NAA25: variants seen among roughly 807,000 people sequenced by gnomAD.
NAA25 encodes N-alpha-acetyltransferase 25, NatB auxiliary subunit, also known as N-terminal acetyltransferase B complex subunit NAA25.
In NAA25, 30 loss-of-function variants were observed where a neutral mutation model predicts 132.5. The observed-to-expected ratio is 0.23, with a 90% confidence interval of 0.17 to 0.31. The LOEUF (loss-of-function observed/expected upper bound fraction) is 0.31. Among genes scored for constraint, NAA25 ranks in the 10% least tolerant of loss-of-function variants. NAA25 has a pLI of 1.00. For missense variants in NAA25, 771 were observed against 1,150.4 expected (o/e 0.67, Z 4.77); for synonymous variants, 359 against 401.9 (o/e 0.89, Z 1.28).
intron 11 of NAA25, among the ~76,000 whole-genome samples, chr12:112,065,286 C>T (rs2078699486): frequency 6.6e-6 from 1 of 152,136 alleles, no homozygotes; most frequent in African/African-American, 2.4e-5. Flanking sequence ...CACTTGAGGC[C>T]AGGAGTTCAA....
At chr12:112,041,379 G>A (rs1207400546) in intron 20 of NAA25, among the ~76,000 whole-genome samples, 1 of 151,798 alleles carries the variant, frequency 6.6e-6, no homozygotes, top group Non-Finnish European at 1.5e-5. Flanking sequence ...TAGTAGAGAC[G>A]GGGTTTCACC....
At position 112,028,331 on chromosome 12, in the gene NAA25, T is replaced by G. The variant is rs1279292583; in HGVS notation, c.*1200A>C. The G allele has an allele frequency of 6.6e-6, 1 of 152,552 alleles. No individual in the cohort carries two copies. Among genetic ancestry groups the G allele is most frequent in the East Asian group, 1.9e-4 (1 of 5,196 alleles). The allele number at this position is 152,552 out of a possible 1,614,324, so 9.4% of individuals were successfully genotyped here. A position where few individuals can be genotyped will look rare whatever the true frequency, so the allele number is the denominator to read the frequency against. On this transcript the variant is annotated 3_prime_UTR_variant, in exon 24 of 24. Transcript: ENST00000261745. ...AACAGAAAAATATTATCAAAGAAACTGCATAAATTGTAGGACATTTTCAAG... is the reference window on the plus strand; with the variant it reads ...AACAGAAAAATATTATCAAAGAAACGGCATAAATTGTAGGACATTTTCAAG...
At chr12:112,074,540 T>C (rs377177479) in intron 9 of NAA25, 135 bp downstream of exon 9, 3 of 499,530 alleles carry the variant, frequency 6.0e-6, no homozygotes, top group South Asian at 9.6e-5. Flanking sequence ...CTTTAAAAAA[T>C]ATGAAAAAAT....
At chr12:112,083,811 G>A (rs2079006228) in intron 4 of NAA25, among the ~76,000 whole-genome samples, 1 of 152,126 alleles carries the variant, frequency 6.6e-6, no homozygotes, top group African/African-American at 2.4e-5. Flanking sequence ...AAGGCAGGAG[G>A]ACTGCTTGAG....
chr12:112,084,970 G>A (rs541678513), intron 4 of NAA25, among the ~76,000 whole-genome samples: 10 of 151,984 alleles, frequency 6.6e-5, no homozygotes, highest in Admixed American at 3.3e-4. Context: ...AGTGGCTCAC[G>A]CCTGTAATCC....
intron 4 of NAA25, among the ~76,000 whole-genome samples, chr12:112,086,921 T>C (rs964554241): frequency 2.5e-5 from 3 of 119,328 alleles, no homozygotes; most frequent in Admixed American, 9.5e-5. Flanking sequence ...TGAGGCAGAA[T>C]AGCTTGAACC....
intron 6 of NAA25, 41 bp from the exon 7 acceptor site, chr12:112,078,307 T>C (rs1050939253): frequency 7.2e-7 from 1 of 1,397,800 alleles, no homozygotes; most frequent in Non-Finnish European, 9.9e-7. Flanking sequence ...CTGAAACTTT[T>C]CAATAATAAA....
chr12:112,084,736 T>C (rs887678860), intron 4 of NAA25, among the ~76,000 whole-genome samples: 2 of 151,826 alleles, frequency 1.3e-5, no homozygotes, highest in African/African-American at 2.4e-5. Context: ...GAGGTTGCAG[T>C]GAGCCAAGAT....
intron 11 of NAA25, among the ~76,000 whole-genome samples, chr12:112,067,729 T>C (rs2136875862): frequency 1.3e-5 from 2 of 152,250 alleles, no homozygotes; most frequent in Admixed American, 1.3e-4. Flanking sequence ...AATCATACTA[T>C]GTGTAACTTC....
intron 12 of NAA25, among the ~76,000 whole-genome samples, chr12:112,060,947 T>C (rs1313387847): frequency 6.6e-6 from 1 of 152,150 alleles, no homozygotes; most frequent in Non-Finnish European, 1.5e-5. Flanking sequence ...CCCAATCTAA[T>C]AAAAAGTTAG....
rs984228230 is a variant in NAA25 at position 112,094,241 on chromosome 12, A to G, written c.59-1105T>C. On this transcript the variant is annotated intron_variant, in intron 1 of 23. Transcript: ENST00000261745. ...AGGCGACAGAGGGAGACTCTGTCTC[A>G]AAAAAAAAAAAAAAAAAAAAAGAAT... Among the ~76,000 whole-genome samples, 164 of 84,956 alleles carry G rather than the reference A, an allele frequency of 1.9e-3. 1 individual carries two copies. Among genetic ancestry groups the G allele is most frequent in the African/African-American group, 0.012 (159 of 12,896 alleles). 55.7% of individuals were successfully genotyped at this position (84,956 alleles called of 152,430 possible).
Position 112,049,558 on chromosome 12 carries a change from AT to A in NAA25, c.1729-1116del. 1 of 985,864 alleles carries A rather than the reference AT, an allele frequency of 1.0e-6. No homozygotes were observed. Among genetic ancestry groups the A allele is most frequent in the Non-Finnish European group, 1.2e-6 (1 of 829,958 alleles). The allele number at this position is 985,864 out of a possible 1,614,324, so 61.1% of individuals were successfully genotyped here. A position where few individuals can be genotyped will look rare whatever the true frequency, so the allele number is the denominator to read the frequency against. On this transcript the variant is annotated intron_variant, in intron 15 of 23. Coordinates refer to ENST00000261745, the MANE Select transcript of NAA25 (RefSeq NM_024953.4). This position sits in a 1 kb window ranked among gnomAD's most constrained non-coding sequence, Gnocchi z 4.7. ...ACGGGCGCTAATTCAACTGCATTCGATGCGGCTTTTAAACCCCCATGGGACA... is the reference window on the plus strand; with the variant it reads ...ACGGGCGCTAATTCAACTGCATTCGAGCGGCTTTTAAACCCCCATGGGACA...
At position 112,069,568 on chromosome 12, in the gene NAA25, C is replaced by T. The variant is rs563916909; in HGVS notation, c.1037-576G>A. 2.6e-5 allele frequency among the ~76,000 whole-genome samples: 4 copies of T among 151,884 alleles called. No homozygotes were observed. In the South Asian group the frequency reaches 8.3e-4, roughly 32 times the overall value. On this transcript the variant is annotated intron_variant, in intron 10 of 23. Coordinates refer to ENST00000261745, the MANE Select transcript of NAA25 (RefSeq NM_024953.4). The stretch of plus-strand genomic sequence containing the variant: ...GGGTGCAGTGGCTCATGCCTGTAAT[C>T]CCAGCACTTTGGGAGGCCAAGGCAG...
intron 5 of NAA25, among the ~76,000 whole-genome samples, chr12:112,080,720 C>T (rs1352689168): frequency 6.6e-6 from 1 of 152,016 alleles, no homozygotes; most frequent in Non-Finnish European, 1.5e-5. Flanking sequence ...AGGATGGTCT[C>T]GATTTCCTGA....
chr12:112,100,574 C>A (rs1262732387), intron 1 of NAA25, among the ~76,000 whole-genome samples: 1 of 151,014 alleles, frequency 6.6e-6, no homozygotes, highest in East Asian at 2.0e-4. Context: ...ATGTCATCCA[C>A]TGTCCTTTTC....
chr12:112,041,372 T>A (rs1191327364), intron 20 of NAA25, among the ~76,000 whole-genome samples: 1 of 151,784 alleles, frequency 6.6e-6, no homozygotes, highest in African/African-American at 2.4e-5. Context: ...GTATTTTTAG[T>A]AGAGACGGGG....
intron 11 of NAA25, among the ~76,000 whole-genome samples, chr12:112,068,282 G>C (rs1459060684): frequency 1.3e-5 from 2 of 152,136 alleles, no homozygotes; most frequent in African/African-American, 2.4e-5. Context: ...ATGGGAGAGG[G>C]GGAGGTGGCT....
intron 20 of NAA25, among the ~76,000 whole-genome samples, chr12:112,041,378 C>T (rs1477388599): frequency 2.6e-5 from 4 of 151,660 alleles, no homozygotes; most frequent in South Asian, 2.1e-4. Context: ...TTAGTAGAGA[C>T]GGGGTTTCAC....
chr12:112,098,648 T>C (rs184947005), intron 1 of NAA25, among the ~76,000 whole-genome samples: 180 of 152,248 alleles, frequency 1.2e-3, no homozygotes, highest in Non-Finnish European at 2.1e-4. Context: ...ATGGAAACAA[T>C]AAGATGTATT....
Sources: gnomAD v4.1 joint callset for allele counts (sites outside exome capture counted in the v4.1 genomes callset) on GRCh38, gnomAD v4.1.1 for gene constraint, Gnocchi (gnomAD v3.1) non-coding constraint, MANE v1.5 for transcripts, NCBI Gene and HGNC (gene_info 2026-07-23, HGNC 2026-07-21) for gene names.